HSDL1: variants seen among roughly 807,000 people sequenced by gnomAD.
HSDL1 encodes hydroxysteroid dehydrogenase like 1.
Under a neutral mutation model 31.5 loss-of-function variants are expected in HSDL1, and 29 were observed. The observed-to-expected ratio is 0.92, with a 90% CI of 0.69 to 1.26. The LOEUF (loss-of-function observed/expected upper bound fraction) is 1.26. HSDL1 is among the 50% of genes most tolerant of loss of function. The pLI, the probability that HSDL1 is intolerant of heterozygous loss-of-function variation, is 0.00. For synonymous variants in HSDL1, 222 were observed against 155.2 expected (o/e 1.43, Z -3.20); for missense variants, 503 against 416.6 (o/e 1.21, Z -1.81).
chr16:84,129,266 GC>G (rs2086637821), intron 5 of HSDL1, among the ~76,000 whole-genome samples: 1 of 151,960 alleles, frequency 6.6e-6, no homozygotes, highest in Non-Finnish European at 1.5e-5. Context: ...TGTAGTCCCA[GC>G]TACTCGGGAA....
chr16:84,132,771 A>T (rs905982635), intron 2 of HSDL1, among the ~76,000 whole-genome samples: 1 of 152,194 alleles, frequency 6.6e-6, no homozygotes, highest in South Asian at 2.1e-4. Flanking sequence ...AGTGGACTTC[A>T]TATCAGGCTA....
Position 84,130,038 on chromosome 16 carries a change from G to A in HSDL1, c.614C>T (p.Ser205Phe), listed in dbSNP as rs745997675. The A allele has an allele frequency of 3.7e-6, 6 of 1,614,056 alleles. No individual in the cohort carries two copies. Among genetic ancestry groups the A allele is most frequent in the South Asian group, 2.2e-5 (2 of 91,078 alleles). Residue 205 changes from serine (S) to phenylalanine (F), a missense_variant, in exon 4 of 6, where the codon TCT becomes TTT. Coordinates refer to ENST00000219439, the MANE Select transcript of HSDL1 (RefSeq NM_031463.5). Reference sequence around the variant, plus strand: ...AGGAGTGGGTTTGCAGCAGGAGCCAGAAGAGATCGTGACGATGGCACCTTT... The same window carrying A: ...AGGAGTGGGTTTGCAGCAGGAGCCAAAAGAGATCGTGACGATGGCACCTTT... ...RKKGAIVTIS[S>F]GSCCKPTPQL...
chr16:84,128,397 T>C (rs1006916030), intron 5 of HSDL1, among the ~76,000 whole-genome samples: 2 of 152,164 alleles, frequency 1.3e-5, no homozygotes, highest in Non-Finnish European at 2.9e-5. Flanking sequence ...ATACTTACGA[T>C]CACAATTTCA....
intron 1 of HSDL1, among the ~76,000 whole-genome samples, chr16:84,141,830 C>T (rs1024393977): frequency 6.6e-6 from 1 of 151,932 alleles, no homozygotes; most frequent in African/African-American, 2.4e-5. Flanking sequence ...TTGTCCTTTC[C>T]TTTTTTTTCT....
intron 5 of HSDL1, among the ~76,000 whole-genome samples, chr16:84,128,236 C>G (rs2086628237): frequency 6.6e-6 from 1 of 151,518 alleles, no homozygotes; most frequent in Non-Finnish European, 1.5e-5. Context: ...TTGCAGTGAG[C>G]CAAGATCGCA....
chr16:84,130,556 G>C (rs1374189568), intron 3 of HSDL1, 125 bp from the exon 4 acceptor site: 4 of 725,638 alleles, frequency 5.5e-6, no homozygotes, highest in African/African-American at 5.3e-5. Flanking sequence ...GTCGGTTCTA[G>C]TATCTACAAG....
intron 1 of HSDL1, among the ~76,000 whole-genome samples, chr16:84,143,028 C>T (rs1222646866): frequency 6.6e-6 from 1 of 152,144 alleles, no homozygotes; most frequent in Non-Finnish European, 1.5e-5. Flanking sequence ...ATCCAAGATC[C>T]AACACTCTTC....
At chr16:84,136,611 C>G (rs552017887) in intron 1 of HSDL1, among the ~76,000 whole-genome samples, 1 of 152,236 alleles carries the variant, frequency 6.6e-6, no homozygotes. Context: ...CTCAGGCCAG[C>G]AGAGGAGATG....
At chr16:84,135,778 C>G (rs944596294) in intron 1 of HSDL1, among the ~76,000 whole-genome samples, 173 bp from the exon 2 acceptor site, 26 of 152,256 alleles carry the variant, frequency 1.7e-4, no homozygotes, top group African/African-American at 5.1e-4. Flanking sequence ...CAAGTACCCT[C>G]CTCTCAGAAT....
At chr16:84,140,713 A>C (rs2086758006) in intron 1 of HSDL1, among the ~76,000 whole-genome samples, 1 of 152,096 alleles carries the variant, frequency 6.6e-6, no homozygotes, top group Non-Finnish European at 1.5e-5. Context: ...CCCCTCCTCT[A>C]TCCTGGAGGC....
At chr16:84,143,771 C>T (rs1463533198) in intron 1 of HSDL1, among the ~76,000 whole-genome samples, 1 of 150,930 alleles carries the variant, frequency 6.6e-6, no homozygotes, top group Non-Finnish European at 1.5e-5. Context: ...CCAAGGCGGG[C>T]AGATCACTTG....
At chr16:84,126,230 A>C (rs2086605719) in intron 5 of HSDL1, among the ~76,000 whole-genome samples, 1 of 152,164 alleles carries the variant, frequency 6.6e-6, no homozygotes, top group South Asian at 2.1e-4. Context: ...AAAGTTCAAC[A>C]AGAAAACAGG....
At chr16:84,142,094 AT>A (rs987082595) in intron 1 of HSDL1, among the ~76,000 whole-genome samples, 8 of 151,842 alleles carry the variant, frequency 5.3e-5, no homozygotes, top group African/African-American at 9.7e-5. Flanking sequence ...GCCCAGTTAA[AT>A]TTTTTTTGTG....
intron 5 of HSDL1, among the ~76,000 whole-genome samples, chr16:84,126,656 G>T (rs77395920): frequency 0.021 from 3,238 of 152,232 alleles, 109 homozygotes; most frequent in African/African-American, 0.074. Flanking sequence ...GAACTGAACT[G>T]ATGAATGATA....
chr16:84,123,491 T>C lies in HSDL1; in HGVS notation c.*1139A>G, dbSNP rs1245410654. The C allele has an allele frequency of 6.6e-6, 1 of 152,242 alleles. No homozygotes were observed. Among genetic ancestry groups the C allele is most frequent in the Non-Finnish European group, 1.5e-5 (1 of 68,042 alleles). The allele number at this position is 152,242 out of a possible 1,614,324, so 9.4% of individuals were successfully genotyped here. A position where few individuals can be genotyped will look rare whatever the true frequency, so the allele number is the denominator to read the frequency against. On this transcript the variant is annotated 3_prime_UTR_variant, in exon 6 of 6. Coordinates refer to ENST00000219439, the MANE Select transcript of HSDL1 (RefSeq NM_031463.5). ...TCACAGGTTTCAATGTTAACGCGTATTGTGAGGGTTTGTGCATAATTATCT... is the reference window on the plus strand; with the variant it reads ...TCACAGGTTTCAATGTTAACGCGTACTGTGAGGGTTTGTGCATAATTATCT...
intron 2 of HSDL1, among the ~76,000 whole-genome samples, chr16:84,132,793 T>C (rs1171790842): frequency 6.6e-6 from 1 of 152,172 alleles, no homozygotes; most frequent in Non-Finnish European, 1.5e-5. Context: ...ACCAACCGTG[T>C]GCATCCTGCG....
intron 2 of HSDL1, among the ~76,000 whole-genome samples, chr16:84,133,073 C>G (rs2086683122): frequency 6.6e-6 from 1 of 151,148 alleles, no homozygotes; most frequent in Non-Finnish European, 1.5e-5. Context: ...TTCCCTCCTA[C>G]TCCACTGCAG....
At chr16:84,131,803 C>T (rs892697438) in intron 2 of HSDL1, among the ~76,000 whole-genome samples, 5 of 152,262 alleles carry the variant, frequency 3.3e-5, no homozygotes, top group African/African-American at 7.2e-5. Flanking sequence ...CCTCAGCCTC[C>T]GGAGTAGCTG....
intron 1 of HSDL1, among the ~76,000 whole-genome samples, chr16:84,142,967 A>G (rs535104877): frequency 2.0e-5 from 3 of 152,328 alleles, no homozygotes; most frequent in East Asian, 3.9e-4. Context: ...TAAACGCACA[A>G]TGAAGCTGAG....
Sources: gnomAD v4.1 joint callset for allele counts (sites outside exome capture counted in the v4.1 genomes callset) on GRCh38, gnomAD v4.1.1 for gene constraint, MANE v1.5 for transcripts, NCBI Gene and HGNC (gene_info 2026-07-23, HGNC 2026-07-21) for gene names.